The following ATP2B2 variants were observed in gnomAD, a reference collection of about 807,000 sequenced individuals.
ATP2B2 encodes plasma membrane calcium-transporting ATPase 2.
Under a neutral mutation model 120.0 loss-of-function variants are expected in ATP2B2, and 15 were observed. The observed-to-expected ratio is 0.12, with a 90% CI of 0.08 to 0.19. The LOEUF (loss-of-function observed/expected upper bound fraction) is 0.19. Among genes scored for constraint, ATP2B2 ranks in the 10% least tolerant of loss-of-function variants. The pLI is 1.00. For missense variants in ATP2B2, 1,045 were observed against 1,719.8 expected (o/e 0.61, Z 6.94); for synonymous variants, 694 against 700.3 (o/e 0.99, Z 0.14).
chr3:10,345,961 C>T (rs2060419493), intron 17 of ATP2B2, 70 bp downstream of exon 17: 5 of 1,462,026 alleles, frequency 3.4e-6, no homozygotes, highest in Non-Finnish European at 4.6e-6. Flanking sequence ...TCCTGAGTAG[C>T]CAGCCCAAGG....
At chr3:10,666,065 G>A (rs2070923183) in intron 1 of ATP2B2, among the ~76,000 whole-genome samples, 1 of 152,202 alleles carries the variant, frequency 6.6e-6, no homozygotes, top group African/African-American at 2.4e-5. Flanking sequence ...CACAGGGACA[G>A]AATCGAGTTC....
chr3:10,626,089 G>A (rs777028464), intron 1 of ATP2B2: 1 of 152,086 alleles, frequency 6.6e-6, no homozygotes, highest in Non-Finnish European at 1.5e-5. Flanking sequence ...GTACTTTTTA[G>A]TACAGGTGTT....
rs2060181106 is a variant in ATP2B2, at chr3:10,338,258, A to G, written c.3338T>C (p.Val1113Ala). ...EIPEEELNED[V>A]EEIDHAEREL... ...CCGCTCCGCGTGGTCGATCTCCTCC[A>G]CGTCCTCGTTGAGCTCCTCCTCCGG... The change falls in exon 22 of 23, where the codon GTG (valine) becomes GCG (alanine). Residue 1113 changes from valine (V) to alanine (A), a missense_variant. Physicochemically the swap from Val to Ala is moderately conservative, Grantham distance 64 (BLOSUM62 0). Transcript: ENST00000360273. The G allele has an allele frequency of 6.2e-7, 1 of 1,613,982 alleles. No homozygotes were observed. The highest frequency in any genetic ancestry group is 8.5e-7 in the Non-Finnish European group (1 of 1,179,938).
intron 1 of ATP2B2, among the ~76,000 whole-genome samples, chr3:10,453,428 A>G (rs1042557761): frequency 3.9e-5 from 6 of 152,218 alleles, no homozygotes; most frequent in African/African-American, 1.4e-4. Flanking sequence ...TGAGGCCAAG[A>G]GAGATGAAGT....
intron 2 of ATP2B2, among the ~76,000 whole-genome samples, chr3:10,433,940 C>T (rs1256927125): frequency 6.6e-6 from 1 of 151,794 alleles, no homozygotes; most frequent in Non-Finnish European, 1.5e-5. Context: ...AGAAGAATAT[C>T]TTTGTTGGTT....
intron 2 of ATP2B2, among the ~76,000 whole-genome samples, chr3:10,560,478 G>A (rs1050823722): frequency 4.8e-5 from 7 of 145,408 alleles, no homozygotes; most frequent in Admixed American, 2.7e-4. Context: ...ATGCCCCATA[G>A]CCCCAGCTGA....
intron 2 of ATP2B2, among the ~76,000 whole-genome samples, chr3:10,605,671 CAG>C (rs1399743178): frequency 4.8e-5 from 7 of 145,724 alleles, no homozygotes; most frequent in African/African-American, 1.5e-4. Flanking sequence ...TTTTTTGAGA[CAG>C]AGTCTCACTC....
intron 12 of ATP2B2, among the ~76,000 whole-genome samples, chr3:10,365,824 G>A: frequency 6.7e-6 from 1 of 150,044 alleles, no homozygotes; most frequent in African/African-American, 2.5e-5. Flanking sequence ...TGCTGTGTGT[G>A]TGTTGTATGT....
chr3:10,601,004 A>G (rs1178787485), intron 2 of ATP2B2, among the ~76,000 whole-genome samples: 1 of 152,160 alleles, frequency 6.6e-6, no homozygotes, highest in Non-Finnish European at 1.5e-5. Context: ...ATACCTGGAC[A>G]TTCTCGGAGC....
chr3:10,671,209 A>C (rs1418086196), intron 1 of ATP2B2, among the ~76,000 whole-genome samples: 3 of 152,232 alleles, frequency 2.0e-5, no homozygotes, highest in Admixed American at 6.5e-5. Context: ...TGAAGAAAGC[A>C]GAGTTGGAAT....
At chr3:10,692,058 G>C (rs1244546906) in intron 1 of ATP2B2, among the ~76,000 whole-genome samples, 1 of 152,200 alleles carries the variant, frequency 6.6e-6, no homozygotes, top group Non-Finnish European at 1.5e-5. Context: ...CTGGGTTTGA[G>C]AAAGTTTTTA....
At chr3:10,509,424 G>T (rs2066715183), upstream of ATP2B2, among the ~76,000 whole-genome samples, 1 of 152,102 alleles carries the variant, frequency 6.6e-6, no homozygotes, top group Non-Finnish European at 1.5e-5. Context: ...TATTTCCAAA[G>T]GTCTCTCACA....
intron 1 of ATP2B2, among the ~76,000 whole-genome samples, chr3:10,670,285 T>A (rs1357130659): frequency 6.6e-6 from 1 of 152,208 alleles, no homozygotes; most frequent in African/African-American, 2.4e-5. Flanking sequence ...CTGAAGATAA[T>A]GACCAAGATG....
Position 10,494,194 on chromosome 3 carries a change from G to A in ATP2B2, c.-320+11271C>T, listed in dbSNP as rs146818485. ...ATGGGGAAGGCTAGGGTGAGATTAA[G>A]GGAGAGATGGTGAAAGGTGCTCCCT... On this transcript the variant is annotated intron_variant, in intron 1 of 22. Transcript: ENST00000360273. Among the ~76,000 whole-genome samples the A allele has an allele frequency of 4.0e-3, 602 of 152,198 alleles. 2 individuals carry two copies. The highest frequency in any genetic ancestry group is 7.2e-3 in the Non-Finnish European group (489 of 68,006).
At chr3:10,407,701 G>C (rs907804110) in intron 3 of ATP2B2, among the ~76,000 whole-genome samples, 2 of 152,226 alleles carry the variant, frequency 1.3e-5, no homozygotes, top group East Asian at 3.8e-4. Context: ...CCACCCCTGC[G>C]TTGCTGTAGA....
At chr3:10,475,465 T>G (rs545288673) in intron 1 of ATP2B2, among the ~76,000 whole-genome samples, 96 of 152,216 alleles carry the variant, frequency 6.3e-4, no homozygotes, top group Non-Finnish European at 9.3e-4. Context: ...GCACCTACTA[T>G]GTGTTGGGCA....
chr3:10,469,198 A>C lies in ATP2B2; in HGVS notation c.-319-19336T>G, dbSNP rs561798021. Among the ~76,000 whole-genome samples, 64 of 152,364 alleles carry C rather than the reference A, an allele frequency of 4.2e-4. 1 individual carries two copies. The South Asian group carries it at 0.013, about 32-fold the overall frequency. On this transcript the variant is annotated intron_variant, in intron 1 of 22. Coordinates refer to ENST00000360273, the MANE Select transcript of ATP2B2 (RefSeq NM_001001331.4). ...CTGCACATGATAACAACTGAATAAA[A>C]TTAATGATAATAAGCTAACATTTAT... is the stretch of plus-strand genomic sequence containing the variant.
chr3:10,579,273 T>C (rs1317578351), intron 2 of ATP2B2, among the ~76,000 whole-genome samples: 3 of 152,202 alleles, frequency 2.0e-5, no homozygotes, highest in Non-Finnish European at 4.4e-5. Flanking sequence ...AAAATGGGAA[T>C]AATGAGCTTG....
chr3:10,394,367 C>A, intron 5 of ATP2B2: 1 of 462,142 alleles, frequency 2.2e-6, no homozygotes, highest in South Asian at 1.6e-5. Context: ...TCACAACAGC[C>A]CCCTGAGGTA....
Sources: gnomAD v4.1 joint callset for allele counts (sites outside exome capture counted in the v4.1 genomes callset) on GRCh38, gnomAD v4.1.1 for gene constraint, MANE v1.5 for transcripts, NCBI Gene and HGNC (gene_info 2026-07-23, HGNC 2026-07-21) for gene names.